ATP7B: variants seen among roughly 807,000 people sequenced by gnomAD.
ATP7B encodes the protein ATPase copper transporting beta, also known as copper-transporting ATPase 2.
Under a neutral mutation model 118.9 loss-of-function variants are expected in ATP7B, and 113 were observed. That is an observed-to-expected ratio of 0.95 (90% confidence interval 0.82 to 1.11). ATP7B has a LOEUF of 1.11. Among genes scored for constraint, ATP7B ranks in the 50% most tolerant of loss-of-function variants. The pLI is 0.00. For missense variants in ATP7B, 1,867 were observed against 1,871.4 expected (o/e 1.00, Z 0.04); for synonymous variants, 777 against 727.4 (o/e 1.07, Z -1.10).
chr13:51,981,995 T>C (rs1440218644), intron 1 of ATP7B, among the ~76,000 whole-genome samples: 2 of 146,900 alleles, frequency 1.4e-5, no homozygotes, highest in Non-Finnish European at 3.0e-5. Flanking sequence ...TGAGATTTTT[T>C]TGGGTGTGAA....
At chr13:52,011,047 C>A (rs1471119822) in intron 1 of ATP7B, among the ~76,000 whole-genome samples, 1 of 152,202 alleles carries the variant, frequency 6.6e-6, no homozygotes, top group Non-Finnish European at 1.5e-5. Flanking sequence ...CAGCATCAGA[C>A]CCCTTAAAAG....
At chr13:51,951,009 G>A (rs1957969397) in intron 9 of ATP7B, among the ~76,000 whole-genome samples, 2 of 152,094 alleles carry the variant, frequency 1.3e-5, no homozygotes, top group Non-Finnish European at 2.9e-5. Flanking sequence ...GCAGAGCATG[G>A]GTTTTGGATG....
intron 1 of ATP7B, among the ~76,000 whole-genome samples, chr13:51,975,838 G>A (rs1319873517): frequency 6.6e-6 from 1 of 152,238 alleles, no homozygotes; most frequent in East Asian, 1.9e-4. Flanking sequence ...ATGAGCACCT[G>A]TGGCTGAGCC....
intron 1 of ATP7B, among the ~76,000 whole-genome samples, chr13:52,005,043 G>A (rs1349177423): frequency 6.6e-6 from 1 of 152,178 alleles, no homozygotes; most frequent in Admixed American, 6.5e-5. Context: ...GGCTCGAGGT[G>A]GCCCTGGGCA....
intron 3 of ATP7B, 45 bp downstream of exon 3, chr13:51,970,447 C>T (rs778022929): frequency 6.2e-7 from 1 of 1,613,162 alleles, no homozygotes; most frequent in East Asian, 2.2e-5. Context: ...AATACGAGGT[C>T]TATACGCAGC....
rs529552897 is a variant in ATP7B, at chr13:51,950,808, T to C, written c.2448-409A>G. On this transcript the variant is annotated intron_variant, in intron 9 of 20. Transcript: ENST00000242839. ...GGTAACATTTAAGCTGAGACCTGCATGCCAAGAAGGTCCAACACACACGGA... is the reference window on the plus strand; with the variant it reads ...GGTAACATTTAAGCTGAGACCTGCACGCCAAGAAGGTCCAACACACACGGA... 1.2e-3 allele frequency among the ~76,000 whole-genome samples: 179 copies of C among 152,122 alleles called. 1 individual carries two copies. Among genetic ancestry groups the C allele is most frequent in the Non-Finnish European group, 2.1e-3 (146 of 68,004 alleles).
intron 12 of ATP7B, among the ~76,000 whole-genome samples, chr13:51,947,114 C>T (rs375106799): frequency 3.9e-5 from 6 of 152,026 alleles, no homozygotes; most frequent in Non-Finnish European, 7.4e-5. Context: ...TAATGGGATA[C>T]GAGGCAACTA....
intron 13 of ATP7B, among the ~76,000 whole-genome samples, chr13:51,945,231 C>T (rs191743268): frequency 5.9e-5 from 9 of 152,286 alleles, no homozygotes; most frequent in Admixed American, 1.3e-4. Flanking sequence ...TCTAGGCTAA[C>T]GTTCAGAACA....
rs771846641 is a variant in ATP7B at position 51,935,717 on chromosome 13, C to T, written c.4022-22G>A. ...ACACCTGGGGAAGAAAGAACTCGCACTCACACCTAGGTCTGGGGAGAGGAG... is the reference window on the plus strand; with the variant it reads ...ACACCTGGGGAAGAAAGAACTCGCATTCACACCTAGGTCTGGGGAGAGGAG... On this transcript the variant is annotated intron_variant, in intron 19 of 20. Coordinates refer to ENST00000242839, the MANE Select transcript of ATP7B (RefSeq NM_000053.4). 7 of 1,598,020 alleles carry T rather than the reference C, an allele frequency of 4.4e-6. No individual in the cohort carries two copies. The South Asian group carries it at 5.6e-5, about 13-fold the overall frequency.
chr13:52,006,737 C>A (rs1376012526), intron 1 of ATP7B, among the ~76,000 whole-genome samples: 1 of 152,172 alleles, frequency 6.6e-6, no homozygotes. Context: ...CCTCACAGTC[C>A]CCTAAATGCC....
In ATP7B at chr13:51,974,779, G is replaced by C. The variant is rs775175844; in HGVS notation, c.441C>G (p.Leu147=). 6.2e-7 allele frequency: 1 copy of C among 1,614,188 alleles called. No individual in the cohort carries two copies. The highest frequency in any genetic ancestry group is 8.5e-7 in the Non-Finnish European group (1 of 1,180,024). ...SLPAQEAVVK[L]RVEGMTCQSC... ...ACTGGCAGGTCATGCCCTCCACCCG[G>C]AGCTTGACCACAGCCTCCTGGGCAG... The change falls in exon 2 of 21, where the codon CTC becomes CTG. Residue 147 remains leucine (L), a synonymous_variant. Coordinates refer to ENST00000242839, the MANE Select transcript of ATP7B (RefSeq NM_000053.4).
chr13:51,944,721 G>A (rs1349708051), intron 13 of ATP7B, among the ~76,000 whole-genome samples: 1 of 152,102 alleles, frequency 6.6e-6, no homozygotes, highest in Non-Finnish European at 1.5e-5. Context: ...AAGCTACTGG[G>A]AATAGAGTCC....
At chr13:51,975,431 T>C in intron 1 of ATP7B, 1 of 634,886 alleles carries the variant, frequency 1.6e-6, no homozygotes. Context: ...TGGAGGATTC[T>C]GAGGGAAAGA....
At chr13:51,973,826 T>C in intron 2 of ATP7B, 109 bp downstream of exon 2, 1 of 1,510,862 alleles carries the variant, frequency 6.6e-7, no homozygotes, top group Non-Finnish European at 9.2e-7. Flanking sequence ...TGTTCCACTG[T>C]TGACATGGGA....
chr13:51,987,219 A>C (rs1471983104), intron 1 of ATP7B, among the ~76,000 whole-genome samples: 2 of 152,238 alleles, frequency 1.3e-5, no homozygotes, highest in Non-Finnish European at 2.9e-5. Flanking sequence ...ATTTCAGCAA[A>C]GTCTCAGGAT....
In ATP7B at chr13:51,968,426, C is replaced by T. The variant is rs774600997; in HGVS notation, c.1707+18G>A. On this transcript the variant is annotated intron_variant, in intron 4 of 20. Coordinates refer to ENST00000242839, the MANE Select transcript of ATP7B (RefSeq NM_000053.4). ...CTGTCAGAAGCCTGTAACCCCGTAA[C>T]GCACCCACAGTACTTACTGTCAGCT... The T allele has an allele frequency of 6.0e-5, 97 of 1,614,058 alleles. No individual in the cohort carries two copies. The highest frequency in any genetic ancestry group is 2.8e-4 in the Admixed American group (17 of 60,006).
chr13:51,958,365 G>A lies in ATP7B; in HGVS notation c.2301C>T (p.Pro767=), dbSNP rs770787421. The change falls in exon 8 of 21, where the codon CCC becomes CCT. Residue 767 remains proline (P), a synonymous_variant. Coordinates refer to ENST00000242839, the MANE Select transcript of ATP7B (RefSeq NM_000053.4). ...GGGCAATGAACACAAAGAGCATGGG[G>A]GGCGTGTCGAAGAATGTCACAGGGC... ...ERSPVTFFDT[P]PMLFVFIALG... The A allele has an allele frequency of 5.6e-6, 9 of 1,614,058 alleles. No homozygotes were observed. The African/African-American group carries it at 9.3e-5, about 17-fold the overall frequency.
At chr13:51,990,578 C>A (rs1952861599) in intron 1 of ATP7B, among the ~76,000 whole-genome samples, 1 of 152,222 alleles carries the variant, frequency 6.6e-6, no homozygotes, top group Non-Finnish European at 1.5e-5. Flanking sequence ...ATGTTTGTAT[C>A]CAGCAGATAC....
intron 1 of ATP7B, among the ~76,000 whole-genome samples, chr13:52,006,033 G>A (rs1953753744): frequency 6.6e-6 from 1 of 152,242 alleles, no homozygotes; most frequent in South Asian, 2.1e-4. Flanking sequence ...TGAGCGATCT[G>A]TGCCTTAAGG....
Sources: gnomAD v4.1 joint callset for allele counts (sites outside exome capture counted in the v4.1 genomes callset) on GRCh38, gnomAD v4.1.1 for gene constraint, MANE v1.5 for transcripts, NCBI Gene and HGNC (gene_info 2026-07-23, HGNC 2026-07-21) for gene names.